The following TMEM117 variants were observed in gnomAD, a reference collection of about 807,000 sequenced individuals.
TMEM117 encodes transmembrane protein 117.
In TMEM117, 27 loss-of-function variants were observed where a neutral mutation model predicts 52.4. The ratio of observed to expected loss-of-function variants is 0.51; its 90% CI spans 0.38 to 0.71. The LOEUF is 0.71. Among genes scored for constraint, TMEM117 ranks in the 30% least tolerant of loss-of-function variants. TMEM117 has a pLI of 0.00. For synonymous variants in TMEM117, 215 were observed against 206.3 expected (o/e 1.04, Z -0.36); for missense variants, 556 against 630.5 (o/e 0.88, Z 1.26).
At chr12:43,903,639 T>C (rs759898045) in intron 2 of TMEM117, among the ~76,000 whole-genome samples, 1 of 152,162 alleles carries the variant, frequency 6.6e-6, no homozygotes. Context: ...TTAGGGGAAC[T>C]CTGACATTAA....
chr12:43,971,274 G>C (rs1408919938), intron 3 of TMEM117, among the ~76,000 whole-genome samples: 2 of 152,096 alleles, frequency 1.3e-5, no homozygotes, highest in Non-Finnish European at 2.9e-5. Flanking sequence ...TCATGTGGTG[G>C]TAATTCCTCT....
At chr12:44,173,004 C>T (rs1308177753) in intron 4 of TMEM117, among the ~76,000 whole-genome samples, 2 of 152,096 alleles carry the variant, frequency 1.3e-5, no homozygotes, top group Non-Finnish European at 2.9e-5. Context: ...GGATTACAGG[C>T]GTGGGCCACC....
intron 3 of TMEM117, 26 bp downstream of exon 3, chr12:43,944,368 G>A: frequency 1.3e-6 from 2 of 1,593,930 alleles, no homozygotes; most frequent in Non-Finnish European, 1.7e-6. Flanking sequence ...CCTTTCTACT[G>A]TGGTGAGTGT....
rs557255864 is a variant in TMEM117, at chr12:44,178,051, A to G, written c.511-33239A>G. Reference sequence around the variant, plus strand: ...CACCTAAGTATTTTTTTTCAGGACAAGCATCTACAACATCTTGTTATTTCT... The same window carrying G: ...CACCTAAGTATTTTTTTTCAGGACAGGCATCTACAACATCTTGTTATTTCT... On this transcript the variant is annotated intron_variant, in intron 4 of 7. Coordinates refer to ENST00000266534, the MANE Select transcript of TMEM117 (RefSeq NM_032256.3). Among the ~76,000 whole-genome samples the G allele has an allele frequency of 9.9e-4, 151 of 152,312 alleles. 1 individual carries two copies. The highest frequency in any genetic ancestry group is 2.0e-3 in the Non-Finnish European group (135 of 68,028).
chr12:43,927,441 T>C (rs1357387957), intron 2 of TMEM117, among the ~76,000 whole-genome samples: 1 of 151,464 alleles, frequency 6.6e-6, no homozygotes, highest in Admixed American at 6.6e-5. Flanking sequence ...TTAATTTTTT[T>C]TGTTTTTGGT....
rs991913729 is a variant in TMEM117, at chr12:43,901,650, C to G, written c.278-42560C>G. Among the ~76,000 whole-genome samples, 6 of 152,198 alleles carry G rather than the reference C, an allele frequency of 3.9e-5. No individual in the cohort carries two copies. In the East Asian group the frequency reaches 9.6e-4, roughly 24 times the overall value. On this transcript the variant is annotated intron_variant, in intron 2 of 7. Coordinates refer to ENST00000266534, the MANE Select transcript of TMEM117 (RefSeq NM_032256.3). ...TATTTACATGTGTCATTTTCCTCAA[C>G]AAGAAAATTATAAAGTGAAACTGCT...
At chr12:43,907,030 A>C (rs867032091) in intron 2 of TMEM117, among the ~76,000 whole-genome samples, 10 of 152,218 alleles carry the variant, frequency 6.6e-5, no homozygotes, top group Admixed American at 3.9e-4. Context: ...TGTAGGCTCC[A>C]CCTGTGGGGG....
intron 3 of TMEM117, among the ~76,000 whole-genome samples, chr12:44,028,561 C>T (rs570734098): frequency 2.0e-5 from 3 of 152,306 alleles, no homozygotes; most frequent in Non-Finnish European, 4.4e-5. Context: ...AGAGTGGCCT[C>T]GGTCGTCCTC....
At chr12:44,290,376 C>T (rs1950689745) in intron 5 of TMEM117, among the ~76,000 whole-genome samples, 1 of 152,030 alleles carries the variant, frequency 6.6e-6, no homozygotes, top group Non-Finnish European at 1.5e-5. Context: ...AGTCTTTAAT[C>T]CATTTTGAGT....
chr12:44,355,207 T>C (rs1385761455), intron 6 of TMEM117, among the ~76,000 whole-genome samples: 1 of 152,084 alleles, frequency 6.6e-6, no homozygotes, highest in Non-Finnish European at 1.5e-5. Context: ...TATATATTTA[T>C]TTAGAAATAT....
chr12:43,869,166 A>G (rs1485835192), intron 2 of TMEM117, among the ~76,000 whole-genome samples: 1 of 152,202 alleles, frequency 6.6e-6, no homozygotes, highest in Admixed American at 6.5e-5. Context: ...CCACATAGCT[A>G]TATATTTATA....
At chr12:44,278,041 C>T (rs904010229) in intron 5 of TMEM117, among the ~76,000 whole-genome samples, 1 of 152,010 alleles carries the variant, frequency 6.6e-6, no homozygotes, top group Non-Finnish European at 1.5e-5. Flanking sequence ...GGATTACAGG[C>T]GTGAGCCACT....
At chr12:44,375,691 G>A (rs959987978) in intron 6 of TMEM117, among the ~76,000 whole-genome samples, 2 of 152,034 alleles carry the variant, frequency 1.3e-5, no homozygotes, top group Non-Finnish European at 2.9e-5. Flanking sequence ...ATTCTTTAAA[G>A]AATATTAACT....
chr12:44,231,521 A>G (rs1949932924), intron 5 of TMEM117, among the ~76,000 whole-genome samples: 2 of 151,918 alleles, frequency 1.3e-5, no homozygotes, highest in South Asian at 4.1e-4. Flanking sequence ...AAGGAGAGAT[A>G]CATATTTTCA....
intron 6 of TMEM117, among the ~76,000 whole-genome samples, chr12:44,313,100 CTCTT>C (rs1474670246): frequency 6.6e-6 from 1 of 152,164 alleles, no homozygotes; most frequent in African/African-American, 2.4e-5. Flanking sequence ...TGTACGAAAG[CTCTT>C]TATTTAATTA....
intron 3 of TMEM117, among the ~76,000 whole-genome samples, chr12:44,054,536 ATG>A (rs1947021938): frequency 3.9e-5 from 6 of 152,314 alleles, no homozygotes; most frequent in Admixed American, 3.9e-4. Context: ...TTCAAAACAG[ATG>A]TCTCATAAAT....
At chr12:44,181,335 T>C (rs1178781432) in intron 4 of TMEM117, among the ~76,000 whole-genome samples, 1 of 152,182 alleles carries the variant, frequency 6.6e-6, no homozygotes, top group African/African-American at 2.4e-5. Context: ...TTTCTTTTGC[T>C]ATGCAGAAGC....
At chr12:44,080,985 A>G (rs530405705) in intron 3 of TMEM117, among the ~76,000 whole-genome samples, 23 of 149,398 alleles carry the variant, frequency 1.5e-4, no homozygotes, top group Admixed American at 9.8e-4. Context: ...ACAAGATTGC[A>G]TAATGAAAAG....
intron 5 of TMEM117, among the ~76,000 whole-genome samples, chr12:44,239,896 G>A (rs188608566): frequency 2.3e-4 from 35 of 151,922 alleles, no homozygotes. Flanking sequence ...TTAAATTTCA[G>A]TTGTAAAGAT....
Sources: gnomAD v4.1 joint callset for allele counts (sites outside exome capture counted in the v4.1 genomes callset) on GRCh38, gnomAD v4.1.1 for gene constraint, MANE v1.5 for transcripts, NCBI Gene and HGNC (gene_info 2026-07-23, HGNC 2026-07-21) for gene names.